Variants in BDH1 observed in about 807,000 individuals in gnomAD.
BDH1 encodes the protein D-beta-hydroxybutyrate dehydrogenase, mitochondrial.
In BDH1, 30 loss-of-function variants were observed where a neutral mutation model predicts 33.1. That is an observed-to-expected ratio of 0.91 (90% CI 0.68 to 1.23). The LOEUF (loss-of-function observed/expected upper bound fraction) is 1.23. Among genes scored for constraint, BDH1 ranks in the 50% most tolerant of loss-of-function variants. BDH1 has a pLI of 0.00. For synonymous variants in BDH1, 190 were observed against 183.6 expected (o/e 1.03, Z -0.28); for missense variants, 443 against 464.4 (o/e 0.95, Z 0.42).
In BDH1 at chr3:197,550,849, T is replaced by C. The variant is rs115053979; in HGVS notation, c.-44+3713A>G. Among the ~76,000 whole-genome samples, 1,497 of 152,316 alleles carry C rather than the reference T, an allele frequency of 9.8e-3. 14 individuals carry two copies. The highest frequency in any genetic ancestry group is 0.017 in the Non-Finnish European group (1,182 of 68,022). ...GTGCCTTTACAGTCTCTGTGTAATT[T>C]AAGCAGGCTGGACGTTTCTGCCACT... On this transcript the variant is annotated intron_variant, in intron 2 of 7. Coordinates refer to ENST00000392379, the MANE Select transcript of BDH1 (RefSeq NM_203314.3).
In BDH1 at chr3:197,511,986, C is replaced by T. The variant is rs144840608; in HGVS notation, c.941G>A (p.Arg314His). The change falls in exon 8 of 8, where the codon CGC (arginine) becomes CAC (histidine). Residue 314 changes from arginine to histidine, a missense_variant. Arg to His is a conservative substitution (Grantham distance 29). Transcript: ENST00000392379. ...CCAGTAGTAGTCCATGGGGTGGTAG[C>T]GGGTGTAGGGGGTGGTGGCGGTCAG... is the stretch of plus-strand genomic sequence containing the variant. The part of the protein sequence containing the change: ...HALTATTPYT[R>H]YHPMDYYWWL... 1.4e-3 allele frequency: 2,335 copies of T among 1,611,480 alleles called. 5 individuals carry two copies. Among genetic ancestry groups the T allele is most frequent in the Non-Finnish European group, 1.9e-3 (2,237 of 1,178,698 alleles).
upstream of BDH1, among the ~76,000 whole-genome samples, chr3:197,556,807 G>A (rs1717067914): frequency 6.6e-6 from 1 of 152,200 alleles, no homozygotes; most frequent in East Asian, 1.9e-4. Context: ...ACCCCACTGC[G>A]CTATCGCCCT....
At chr3:197,537,085 C>G (rs2108748212) in intron 3 of BDH1, among the ~76,000 whole-genome samples, 1 of 152,250 alleles carries the variant, frequency 6.6e-6, no homozygotes, top group South Asian at 2.1e-4. Context: ...GCCTGCCACA[C>G]TCAAGCAATC....
At position 197,510,731 on chromosome 3, in the gene BDH1, GCAC is replaced by G. The variant is rs1281886190; in HGVS notation, c.*1161_*1163del. ...TGTGTGTGTGTGTACATGTGTGTAA[GCAC>G]CACGTGAGGCAAGCAGGGACCCCAA... On this transcript the variant is annotated 3_prime_UTR_variant, in exon 8 of 8. Transcript: ENST00000392379. The G allele has an allele frequency of 4.9e-5, 7 of 142,628 alleles. No individual in the cohort carries two copies. The highest frequency in any genetic ancestry group is 2.2e-4 in the Admixed American group (3 of 13,778). The allele number at this position is 142,628 out of a possible 1,614,324, so 8.8% of individuals were successfully genotyped here.
intron 5 of BDH1, chr3:197,530,744 G>A (rs1366305816): frequency 2.0e-5 from 3 of 152,598 alleles, no homozygotes; most frequent in Admixed American, 2.0e-4. Flanking sequence ...GTGCTTCAAA[G>A]CTGTGAACAA....
chr3:197,548,285 C>T (rs1716259851), intron 2 of BDH1, among the ~76,000 whole-genome samples: 2 of 151,778 alleles, frequency 1.3e-5, no homozygotes, highest in Non-Finnish European at 2.9e-5. Flanking sequence ...GAGGCACCCC[C>T]TCCCACCATC....
At chr3:197,549,533 C>G (rs1201877162) in intron 2 of BDH1, among the ~76,000 whole-genome samples, 1 of 152,182 alleles carries the variant, frequency 6.6e-6, no homozygotes, top group African/African-American at 2.4e-5. Context: ...GTATCCGCAG[C>G]AAACCGGGTC....
chr3:197,512,019 G>A lies in BDH1; in HGVS notation c.908C>T (p.Thr303Ile). ...TDTSPVIDAVTHALTATTPYT... is the reference protein window; with the variant it reads ...TDTSPVIDAVIHALTATTPYT... The stretch of plus-strand genomic sequence containing the variant: ...GGGGGTGGTGGCGGTCAGGGCGTGT[G>A]TGACAGCATCGATGACAGGGGACGT... Residue 303 changes from threonine (T) to isoleucine (I), a missense_variant, in exon 8 of 8, where the codon ACA (threonine) becomes ATA (isoleucine). Transcript: ENST00000392379. 1 of 1,614,144 alleles carries A rather than the reference G, an allele frequency of 6.2e-7. No individual in the cohort carries two copies. The highest frequency in any genetic ancestry group is 8.5e-7 in the Non-Finnish European group (1 of 1,180,022).
At chr3:197,547,063 TAG>T (rs1360721116) in intron 2 of BDH1, among the ~76,000 whole-genome samples, 1 of 152,072 alleles carries the variant, frequency 6.6e-6, no homozygotes, top group Non-Finnish European at 1.5e-5. Flanking sequence ...CATTATAGCA[TAG>T]AGTTTGGAGC....
intron 3 of BDH1, chr3:197,543,233 C>A (rs1715804310): frequency 1.0e-6 from 1 of 960,320 alleles, no homozygotes; most frequent in Non-Finnish European, 1.2e-6. Flanking sequence ...AATATGGCCT[C>A]ACGGCAGCAT....
rs549952293 is a variant in BDH1, at chr3:197,520,383, G to A, written c.409+2257C>T. Among the ~76,000 whole-genome samples the A allele has an allele frequency of 6.6e-6, 1 of 152,232 alleles. No individual in the cohort carries two copies. Among genetic ancestry groups the A allele is most frequent in the Admixed American group, 6.5e-5 (1 of 15,290 alleles). On this transcript the variant is annotated intron_variant, in intron 6 of 7. Transcript: ENST00000392379. The surrounding 1 kb of genome is among the most constrained non-coding windows in gnomAD (Gnocchi z 6.0). The stretch of plus-strand genomic sequence containing the variant: ...CGGCGTGGGAAAAGCAGCAGGGAAA[G>A]GTCTGCGCGTCAGGCTGGTGCTGGG...
At position 197,519,752 on chromosome 3, in the gene BDH1, G is replaced by A. The variant is rs191278152; in HGVS notation, c.409+2888C>T. 6.6e-3 allele frequency among the ~76,000 whole-genome samples: 1,000 copies of A among 152,126 alleles called. 10 individuals are homozygous for A. Among genetic ancestry groups the A allele is most frequent in the African/African-American group, 0.023 (938 of 41,470 alleles). ...CAGGCCATGCCCACGGCCTGCTCTC[G>A]GGCCCACTGGCTCGGTGTCCCCTGG... On this transcript the variant is annotated intron_variant, in intron 6 of 7. Coordinates refer to ENST00000392379, the MANE Select transcript of BDH1 (RefSeq NM_203314.3).
intron 3 of BDH1, chr3:197,538,826 TG>T (rs1715366516): frequency 1.2e-5 from 2 of 168,172 alleles, no homozygotes; most frequent in Non-Finnish European, 2.6e-5. Context: ...CAGAGGAGTC[TG>T]GATTTTAAGT....
rs1318803121 is a variant in BDH1, at chr3:197,516,756, T to TCCTCCACCC, written c.410-2349_410-2341dup. On this transcript the variant is annotated intron_variant, in intron 6 of 7. Transcript: ENST00000392379. The surrounding 1 kb of genome is among the most constrained non-coding windows in gnomAD (Gnocchi z 4.2). ...TACTTTTGTCTGTGACTCCTCCAGC[T>TCCTCCACCC]CCTCCACCCCTCCCCCACCTACTGA... 6.6e-6 allele frequency among the ~76,000 whole-genome samples: 1 copy of TCCTCCACCC among 151,966 alleles called. No individual in the cohort carries two copies. The highest frequency in any genetic ancestry group is 1.5e-5 in the Non-Finnish European group (1 of 67,990).
At chr3:197,518,775 A>T (rs78780325) in intron 6 of BDH1, among the ~76,000 whole-genome samples, 1 of 8,590 alleles carries the variant, frequency 1.2e-4, no homozygotes, top group Non-Finnish European at 1.7e-4. Flanking sequence ...TGCTCTATGG[A>T]CTCCATCCCC....
intron 1 of BDH1, among the ~76,000 whole-genome samples, chr3:197,570,955 CA>C (rs913366621): frequency 6.6e-6 from 1 of 152,224 alleles, no homozygotes; most frequent in Non-Finnish European, 1.5e-5. Context: ...CACTCAATGC[CA>C]GCCCATGATA....
Position 197,532,411 on chromosome 3 carries a change from C to A in BDH1, c.267+1G>T. The A allele has an allele frequency of 6.2e-7, 1 of 1,611,660 alleles. No individual in the cohort carries two copies. The highest frequency in any genetic ancestry group is 8.5e-7 in the Non-Finnish European group (1 of 1,177,714). ...GGTGAAGAAGATAACTCGTCTCTTA[C>A]CTTCATCAAGCAGCCAGCAAACACA... On this transcript the variant is annotated splice_donor_variant, in intron 5 of 7. Transcript: ENST00000392379. LOFTEE classifies it high-confidence loss of function.
chr3:197,549,203 A>G (rs1265900798), intron 2 of BDH1, among the ~76,000 whole-genome samples: 6 of 152,156 alleles, frequency 3.9e-5, no homozygotes, highest in African/African-American at 7.2e-5. Context: ...CCAGGGACCA[A>G]ACTCATAAGA....
At position 197,509,851 on chromosome 3, in the gene BDH1, C is replaced by G. The variant is rs1711727274; in HGVS notation, c.*2044G>C. 6.6e-6 allele frequency: 1 copy of G among 152,270 alleles called. No homozygotes were observed. The highest frequency in any genetic ancestry group is 1.5e-5 in the Non-Finnish European group (1 of 68,062). 9.4% of individuals were successfully genotyped at this position (152,270 alleles called of 1,614,324 possible). On this transcript the variant is annotated 3_prime_UTR_variant, in exon 8 of 8. Transcript: ENST00000392379. ...CGCCCAACATGTAAAAGTGCAATTC[C>G]GAAAGGATCCTGCTAGAACAAGGTC... is the stretch of plus-strand genomic sequence containing the variant.
Sources: gnomAD v4.1 joint callset for allele counts (sites outside exome capture counted in the v4.1 genomes callset) on GRCh38, gnomAD v4.1.1 for gene constraint, Gnocchi (gnomAD v3.1) non-coding constraint, MANE v1.5 for transcripts, NCBI Gene and HGNC (gene_info 2026-07-23, HGNC 2026-07-21) for gene names.